The following DTWD2 variants were observed in gnomAD, a reference collection of about 807,000 sequenced individuals.
DTWD2 encodes tRNA-uridine aminocarboxypropyltransferase 2.
Under a neutral mutation model 31.8 loss-of-function variants are expected in DTWD2, and 39 were observed. That is an observed-to-expected ratio of 1.22 (90% CI 0.95 to 1.60). The LOEUF (loss-of-function observed/expected upper bound fraction) is 1.60. DTWD2 is among the 40% of genes most tolerant of loss of function. DTWD2 has a pLI of 0.00. For synonymous variants in DTWD2, 180 were observed against 142.8 expected (o/e 1.26, Z -1.86); for missense variants, 515 against 381.5 (o/e 1.35, Z -2.92).
intron 4 of DTWD2, among the ~76,000 whole-genome samples, chr5:118,910,515 G>A (rs1474545628): frequency 6.6e-6 from 1 of 152,084 alleles, no homozygotes; most frequent in Non-Finnish European, 1.5e-5. Flanking sequence ...GAAAACTGGG[G>A]CTTTCTCTGC....
chr5:118,948,129 T>C (rs1024874032), intron 1 of DTWD2, among the ~76,000 whole-genome samples: 1 of 152,166 alleles, frequency 6.6e-6, no homozygotes, highest in East Asian at 1.9e-4. Context: ...TACTATAGCA[T>C]AGCCTGCCTT....
At chr5:118,868,091 G>C (rs1205383420) in intron 4 of DTWD2, among the ~76,000 whole-genome samples, 3 of 152,006 alleles carry the variant, frequency 2.0e-5, no homozygotes, top group African/African-American at 7.2e-5. Flanking sequence ...ACAGATTAAA[G>C]AGCCCAAAAA....
intron 1 of DTWD2, among the ~76,000 whole-genome samples, chr5:118,967,508 T>C (rs1251772894): frequency 3.9e-5 from 6 of 152,062 alleles, no homozygotes; most frequent in African/African-American, 7.3e-5. Context: ...CATCTTACAG[T>C]GTCAGAAAGT....
chr5:118,841,006 G>A lies in DTWD2; in HGVS notation c.808C>T (p.Leu270=), dbSNP rs762828536. The A allele has an allele frequency of 8.7e-6, 14 of 1,613,660 alleles. No individual in the cohort carries two copies. In the South Asian group the frequency reaches 1.4e-4, roughly 16 times the overall value. The change falls in exon 6 of 6, where the codon CTG becomes TTG. Residue 270 remains leucine (L), a synonymous_variant. Transcript: ENST00000510708. ...AQIRLSKEHL[L]KNGLYPKPMP... ...GGTTTAGGATATAATCCATTTTTCA[G>A]AAGGTGTTCCTTGCTGAGGCGAATT...
intron 4 of DTWD2, among the ~76,000 whole-genome samples, chr5:118,869,816 G>A (rs1172032209): frequency 6.6e-6 from 1 of 152,156 alleles, no homozygotes; most frequent in African/African-American, 2.4e-5. Context: ...CTGGATGTGT[G>A]TCTCTCCAAA....
At chr5:118,939,338 A>T (rs944067129) in intron 2 of DTWD2, 48 bp from the exon 3 acceptor site, 1 of 1,431,062 alleles carries the variant, frequency 7.0e-7, no homozygotes, top group Admixed American at 2.3e-5. Flanking sequence ...TTAGATATAC[A>T]CACTTTTAAA....
intron 2 of DTWD2, 31 bp from the exon 3 acceptor site, chr5:118,939,321 T>A: frequency 4.6e-6 from 7 of 1,530,712 alleles, no homozygotes; most frequent in Non-Finnish European, 6.2e-6. Context: ...GAAACATAGA[T>A]TTTTACTTAG....
At chr5:118,920,394 T>C (rs1471277629) in intron 4 of DTWD2, among the ~76,000 whole-genome samples, 1 of 152,090 alleles carries the variant, frequency 6.6e-6, no homozygotes, top group Non-Finnish European at 1.5e-5. Context: ...GAAAAACTTT[T>C]GGAAGCAAAC....
At chr5:118,907,286 G>A (rs1165590868) in intron 4 of DTWD2, among the ~76,000 whole-genome samples, 1 of 152,116 alleles carries the variant, frequency 6.6e-6, no homozygotes, top group Admixed American at 6.6e-5. Context: ...ATTTCAAGTG[G>A]TTATTTTAGA....
At chr5:118,854,554 A>G (rs879152490) in intron 4 of DTWD2, among the ~76,000 whole-genome samples, 1 of 152,154 alleles carries the variant, frequency 6.6e-6, no homozygotes, top group African/African-American at 2.4e-5. Flanking sequence ...GTAATTTTTT[A>G]AATTATATAG....
chr5:118,884,438 T>C (rs958968571), intron 4 of DTWD2, among the ~76,000 whole-genome samples: 3 of 152,204 alleles, frequency 2.0e-5, no homozygotes, highest in African/African-American at 7.2e-5. Context: ...TAATTCCATG[T>C]CACATAAATT....
intron 1 of DTWD2, 135 bp from the exon 2 acceptor site, chr5:118,944,784 C>A: frequency 2.7e-6 from 2 of 729,032 alleles, no homozygotes; most frequent in South Asian, 2.1e-5. Context: ...AAATGAAATA[C>A]CAAGAATGAA....
chr5:118,978,164 GCCAT>G (rs1755209920), intron 1 of DTWD2, among the ~76,000 whole-genome samples: 1 of 151,560 alleles, frequency 6.6e-6, no homozygotes, highest in Non-Finnish European at 1.5e-5. Flanking sequence ...GAACTGGCTA[GCCAT>G]ATGCAGCAGA....
intron 4 of DTWD2, among the ~76,000 whole-genome samples, 176 bp downstream of exon 4, chr5:118,928,361 C>T (rs1485666260): frequency 6.6e-6 from 1 of 151,780 alleles, no homozygotes; most frequent in Non-Finnish European, 1.5e-5. Flanking sequence ...ATTCAAAATA[C>T]ATATATATTC....
At chr5:118,874,077 G>C (rs1580779448) in intron 4 of DTWD2, among the ~76,000 whole-genome samples, 1 of 152,194 alleles carries the variant, frequency 6.6e-6, no homozygotes, top group Admixed American at 6.5e-5. Flanking sequence ...CAGTCTAAGA[G>C]GTGGGAGTTG....
chr5:118,876,036 C>A (rs1456940887), intron 4 of DTWD2, among the ~76,000 whole-genome samples: 1 of 152,008 alleles, frequency 6.6e-6, no homozygotes, highest in Non-Finnish European at 1.5e-5. Flanking sequence ...AAATTAAAAT[C>A]AAGACAAAGA....
intron 4 of DTWD2, among the ~76,000 whole-genome samples, chr5:118,901,742 C>G (rs1044792135): frequency 3.3e-5 from 5 of 151,984 alleles, no homozygotes; most frequent in Admixed American, 1.3e-4. Flanking sequence ...CTCAGATTAT[C>G]AAAAGATTAA....
intron 1 of DTWD2, among the ~76,000 whole-genome samples, chr5:118,976,949 G>C (rs1168993739): frequency 6.6e-6 from 1 of 152,116 alleles, no homozygotes; most frequent in Non-Finnish European, 1.5e-5. Context: ...TAAAATACTG[G>C]GAAACTGAAT....
At chr5:118,906,702 G>A (rs758471941) in intron 4 of DTWD2, among the ~76,000 whole-genome samples, 17 of 152,148 alleles carry the variant, frequency 1.1e-4, no homozygotes, top group Non-Finnish European at 2.1e-4. Flanking sequence ...AGGAAGAAAA[G>A]ATTACCAAAG....
Sources: allele counts gnomAD v4.1 joint callset (sites outside exome capture counted in the v4.1 genomes callset), GRCh38; gene constraint gnomAD v4.1.1; transcripts MANE v1.5; gene names NCBI Gene and HGNC (gene_info 2026-07-23, HGNC 2026-07-21).